Variants in PIK3R6 observed in about 807,000 individuals in gnomAD.
PIK3R6 encodes phosphoinositide 3-kinase regulatory subunit 6.
Under a neutral mutation model 84.9 loss-of-function variants are expected in PIK3R6, and 91 were observed. The observed-to-expected ratio is 1.07, with a 90% CI of 0.90 to 1.28. PIK3R6 has a LOEUF of 1.28. Among genes scored for constraint, PIK3R6 ranks in the 50% most tolerant of loss-of-function variants. PIK3R6 has a pLI of 0.00. For synonymous variants in PIK3R6, 416 were observed against 411.4 expected, an observed-to-expected ratio of 1.01 and a Z score of -0.13; for missense variants, 996 against 985.1, an observed-to-expected ratio of 1.01 and a Z score of -0.15.
chr17:8,833,541 CTTTTTTTTTT>C (rs3884448), intron 8 of PIK3R6, among the ~76,000 whole-genome samples: 1 of 130,798 alleles, frequency 7.6e-6, no homozygotes, highest in Admixed American at 7.7e-5. Flanking sequence ...GAGAAAGTGA[CTTTTTTTTTT>C]TTTTTTTTGA....
chr17:8,809,361 A>T (rs1020580089), intron 18 of PIK3R6, among the ~76,000 whole-genome samples: 7 of 152,242 alleles, frequency 4.6e-5, no homozygotes, highest in Non-Finnish European at 7.3e-5. Context: ...GAAAGTATAA[A>T]ACATGTAGGT....
At chr17:8,816,749 A>G (rs2087555504) in intron 18 of PIK3R6, among the ~76,000 whole-genome samples, 1 of 152,260 alleles carries the variant, frequency 6.6e-6, no homozygotes, top group African/African-American at 2.4e-5. Context: ...AAATTTGTGA[A>G]GATGAAAAAA....
At chr17:8,821,814 T>G (rs1016400989) in intron 17 of PIK3R6, 32 bp downstream of exon 17, 1 of 1,553,502 alleles carries the variant, frequency 6.4e-7, no homozygotes, top group African/African-American at 1.4e-5. Flanking sequence ...ATCTCTTCTC[T>G]CTTTCTTTGC....
intron 12 of PIK3R6, among the ~76,000 whole-genome samples, chr17:8,827,743 GAGAGAGAGAGAGAGAGA>G (rs2087976641): frequency 6.2e-5 from 6 of 96,616 alleles, no homozygotes; most frequent in African/African-American, 2.1e-4. Flanking sequence ...GAGGGAAGGG[GAGAGAGAGAGAGAGAGA>G]GAGGAGAGAG....
intron 10 of PIK3R6, 140 bp from the exon 11 acceptor site, chr17:8,829,130 G>T (rs2088068582): frequency 1.2e-6 from 1 of 808,574 alleles, no homozygotes; most frequent in Non-Finnish European, 1.8e-6. Context: ...AACATGCACA[G>T]AGACTCACAC....
At position 8,803,981 on chromosome 17, in the gene PIK3R6, C is replaced by A; in HGVS notation, c.2108+60G>T. ...AGAGGCAGGAGATGGCAGGAGCTGG[C>A]TCCTGCTTCAGTTTGTCCCACGGGC... On this transcript the variant is annotated intron_variant, in intron 19 of 19. Coordinates refer to ENST00000619866, the MANE Select transcript of PIK3R6 (RefSeq NM_001010855.4). This position sits in a 1 kb window ranked among gnomAD's most constrained non-coding sequence, Gnocchi z 5.0. The A allele has an allele frequency of 6.9e-7, 1 of 1,443,032 alleles. No individual in the cohort carries two copies. 89.4% of individuals were successfully genotyped at this position (1,443,032 alleles called of 1,614,324 possible).
intron 9 of PIK3R6, 22 bp downstream of exon 9, chr17:8,832,867 C>G: frequency 6.2e-7 from 1 of 1,612,186 alleles, no homozygotes; most frequent in Non-Finnish European, 8.5e-7. Context: ...TTGCCAAGGC[C>G]CCCCATCTGC....
At chr17:8,828,274 A>G (rs1315627400) in intron 11 of PIK3R6, 84 bp from the exon 12 acceptor site, 17 of 1,395,332 alleles carry the variant, frequency 1.2e-5, no homozygotes, top group Non-Finnish European at 1.7e-5. Flanking sequence ...TTATCTCTTG[A>G]CCTTGGGCAA....
chr17:8,823,290 T>G, intron 14 of PIK3R6, 97 bp downstream of exon 14: 1 of 955,270 alleles, frequency 1.0e-6, no homozygotes, highest in East Asian at 2.6e-5. Flanking sequence ...CTGGGTGTGT[T>G]CATGATTGGT....
At chr17:8,813,772 C>T (rs2087437497) in intron 18 of PIK3R6, among the ~76,000 whole-genome samples, 1 of 150,896 alleles carries the variant, frequency 6.6e-6, no homozygotes, top group African/African-American at 2.5e-5. Flanking sequence ...ATAATAAAAG[C>T]CATATATGAC....
chr17:8,866,064 G>A lies in PIK3R6; in HGVS notation c.-92+1465C>T, dbSNP rs567132111. 2.6e-5 allele frequency among the ~76,000 whole-genome samples: 4 copies of A among 152,238 alleles called. No homozygotes were observed. The East Asian group carries it at 7.7e-4, about 29-fold the overall frequency. Reference sequence around the variant, plus strand: ...AGCAGGTTCTAGTGTGAGGCAGCGGGGCATGGTGGCCAGGCAGGTGGCATT... The same window carrying A: ...AGCAGGTTCTAGTGTGAGGCAGCGGAGCATGGTGGCCAGGCAGGTGGCATT... On this transcript the variant is annotated intron_variant, in intron 1 of 19. Transcript: ENST00000619866.
intron 18 of PIK3R6, among the ~76,000 whole-genome samples, chr17:8,815,640 G>T (rs1421024769): frequency 6.6e-6 from 1 of 152,152 alleles, no homozygotes; most frequent in East Asian, 1.9e-4. Context: ...GGAATCAAAG[G>T]GTTTGGGTTT....
In PIK3R6 at chr17:8,803,665, A is replaced by G. The variant is rs911217093; in HGVS notation, c.2109-236T>C. ...ACTCTGCGCATGCCTCCCTTACCCA[A>G]ACACACCTCCCGAGGGGAAGCCAGT... On this transcript the variant is annotated intron_variant, in intron 19 of 19. Coordinates refer to ENST00000619866, the MANE Select transcript of PIK3R6 (RefSeq NM_001010855.4). This position sits in a 1 kb window ranked among gnomAD's most constrained non-coding sequence, Gnocchi z 5.0. 4 of 554,750 alleles carry G rather than the reference A, an allele frequency of 7.2e-6. No homozygotes were observed. In the African/African-American group the frequency reaches 7.6e-5, roughly 11 times the overall value. The allele number at this position is 554,750 out of a possible 1,614,324, so 34.4% of individuals were successfully genotyped here. A position where few individuals can be genotyped will look rare whatever the true frequency, so the allele number is the denominator to read the frequency against.
intron 1 of PIK3R6, among the ~76,000 whole-genome samples, chr17:8,853,499 ATAAT>A (rs1349476790): frequency 9.6e-5 from 13 of 135,264 alleles, no homozygotes; most frequent in Non-Finnish European, 1.7e-4. Context: ...AAAAAAAAAA[ATAAT>A]AATAATAATA....
chr17:8,834,964 A>G (rs2088401322), intron 8 of PIK3R6, among the ~76,000 whole-genome samples: 1 of 151,946 alleles, frequency 6.6e-6, no homozygotes, highest in South Asian at 2.1e-4. Context: ...CAGCCTCCAG[A>G]GTAGCTAGGA....
rs2087116996 is a variant in PIK3R6 at position 8,803,833 on chromosome 17, T to C, written c.2108+208A>G. On this transcript the variant is annotated intron_variant, in intron 19 of 19. Coordinates refer to ENST00000619866, the MANE Select transcript of PIK3R6 (RefSeq NM_001010855.4). The surrounding 1 kb of genome is among the most constrained non-coding windows in gnomAD (Gnocchi z 5.0). ...GAAAATGCAATATCAGCTGCTGCCCTGGGTATGCCATTCATTTGCCTCGAC... is the reference window on the plus strand; with the variant it reads ...GAAAATGCAATATCAGCTGCTGCCCCGGGTATGCCATTCATTTGCCTCGAC... The C allele has an allele frequency of 1.0e-5, 6 of 599,674 alleles. No individual in the cohort carries two copies. Among genetic ancestry groups the C allele is most frequent in the Admixed American group, 2.9e-5 (1 of 33,998 alleles). 37.1% of individuals were successfully genotyped at this position (599,674 alleles called of 1,614,324 possible).
At chr17:8,845,995 T>C (rs2088807822) in intron 2 of PIK3R6, among the ~76,000 whole-genome samples, 1 of 151,814 alleles carries the variant, frequency 6.6e-6, no homozygotes, top group African/African-American at 2.4e-5. Context: ...CAATTGTCGA[T>C]TTTTGTTTTT....
At chr17:8,829,498 ACT>A (rs1273126184) in intron 10 of PIK3R6, among the ~76,000 whole-genome samples, 15 of 120,536 alleles carry the variant, frequency 1.2e-4, no homozygotes, top group African/African-American at 2.4e-4. Context: ...ATACACACAC[ACT>A]GACACACACT....
At chr17:8,860,056 A>G (rs931699281) in intron 1 of PIK3R6, among the ~76,000 whole-genome samples, 1 of 152,210 alleles carries the variant, frequency 6.6e-6, no homozygotes, top group Non-Finnish European at 1.5e-5. Flanking sequence ...TGTCTAGTAT[A>G]TTTTTAAAAT....
Sources: gnomAD v4.1 joint callset for allele counts (sites outside exome capture counted in the v4.1 genomes callset) on GRCh38, gnomAD v4.1.1 for gene constraint, Gnocchi (gnomAD v3.1) non-coding constraint, MANE v1.5 for transcripts, NCBI Gene and HGNC (gene_info 2026-07-23, HGNC 2026-07-21) for gene names.